Variants in ZHX1 observed in about 807,000 individuals in gnomAD.
ZHX1 encodes the protein zinc fingers and homeoboxes 1, also known as zinc fingers and homeoboxes protein 1.
Under a neutral mutation model 61.8 loss-of-function variants are expected in ZHX1, and 20 were observed. The observed-to-expected ratio is 0.32, with a 90% CI of 0.23 to 0.47. The LOEUF is 0.47. ZHX1 is among the 20% of genes least tolerant of loss of function. The pLI, the probability that ZHX1 is intolerant of heterozygous loss-of-function variation, is 1.00. For synonymous variants in ZHX1, 318 were observed against 352.6 expected, an observed-to-expected ratio of 0.90 and a Z score of 1.10; for missense variants, 800 against 1,034.8, an observed-to-expected ratio of 0.77 and a Z score of 3.11.
chr8:123,262,543 C>G (rs371521952), intron 2 of ZHX1, among the ~76,000 whole-genome samples: 1 of 152,058 alleles, frequency 6.6e-6, no homozygotes, highest in Non-Finnish European at 1.5e-5. Flanking sequence ...AACAGAGTCC[C>G]GTTACGTTGC....
chr8:123,264,304 A>T (rs1033677841), intron 2 of ZHX1, among the ~76,000 whole-genome samples: 11 of 152,188 alleles, frequency 7.2e-5, no homozygotes, highest in African/African-American at 2.7e-4. Flanking sequence ...ACTACATTTT[A>T]AAAAAGATTA....
rs1458264971 is a variant in ZHX1, at chr8:123,267,283, T to C, written c.-236A>G. On this transcript the variant is annotated 5_prime_UTR_variant, in exon 2 of 4. Transcript: ENST00000395571. ...CAATGAAACACATACTTGCCACAGC[T>C]TCCTTAGCATTCTGTTCTTTGAAAT... The C allele has an allele frequency of 3.9e-6, 6 of 1,531,948 alleles. No individual in the cohort carries two copies. The highest frequency in any genetic ancestry group is 5.2e-6 in the Non-Finnish European group (6 of 1,144,088). 94.9% of individuals were successfully genotyped at this position (1,531,948 alleles called of 1,614,324 possible). A position where few individuals can be genotyped will look rare whatever the true frequency, so the allele number is the denominator to read the frequency against.
At chr8:123,252,769 T>C (rs903331238) in intron 3 of ZHX1, 36 of 152,170 alleles carry the variant, frequency 2.4e-4, no homozygotes, top group African/African-American at 8.2e-4. Flanking sequence ...CATTTTAAAC[T>C]CTAGTTAAAA....
At position 123,261,670 on chromosome 8, in the gene ZHX1, A is replaced by C. The variant is rs552016535; in HGVS notation, c.-225-5499T>G. Among the ~76,000 whole-genome samples, 3 of 152,328 alleles carry C rather than the reference A, an allele frequency of 2.0e-5. No homozygotes were observed. In the East Asian group the frequency reaches 5.8e-4, roughly 29 times the overall value. ...GAGAAGGCTTCCCTGGGGGAAAAAG[A>C]AATAGTAGTATCCACATCAGAGGAA... On this transcript the variant is annotated intron_variant, in intron 2 of 3. Transcript: ENST00000395571.
Position 123,254,044 on chromosome 8 carries a change from T to C in ZHX1, c.1903A>G (p.Ser635Gly), listed in dbSNP as rs1825993712. The C allele has an allele frequency of 6.2e-7, 1 of 1,613,962 alleles. No individual in the cohort carries two copies. The highest frequency in any genetic ancestry group is 1.1e-5 in the South Asian group (1 of 91,088). Residue 635 changes from serine to glycine, a missense_variant, in exon 3 of 4, where the codon AGT becomes GGT. Ser to Gly is a moderately conservative substitution (Grantham distance 56). Coordinates refer to ENST00000395571, the MANE Select transcript of ZHX1 (RefSeq NM_007222.5). The surrounding 1 kb of genome is among the most constrained non-coding windows in gnomAD (Gnocchi z 4.1). The part of the protein sequence containing the change: ...LKEEKMEIDE[S>G]NAGSSKEEAG... Reference sequence around the variant, plus strand: ...TCTTCTTTGGAACTACCTGCATTACTTTCATCTATTTCCATTTTCTCTTCC... The same window carrying C: ...TCTTCTTTGGAACTACCTGCATTACCTTCATCTATTTCCATTTTCTCTTCC...
At chr8:123,261,450 T>A (rs1826263078) in intron 2 of ZHX1, among the ~76,000 whole-genome samples, 1 of 148,500 alleles carries the variant, frequency 6.7e-6, no homozygotes, top group Admixed American at 6.6e-5. Context: ...ATTCTTCAAT[T>A]CAACAAATTT....
At chr8:123,253,259 TGA>T in intron 3 of ZHX1, 61 bp downstream of exon 3, 1 of 1,342,580 alleles carries the variant, frequency 7.4e-7, no homozygotes, top group Non-Finnish European at 1.0e-6. Context: ...TACAACAAGG[TGA>T]CTGTTCAAAA....
At position 123,255,425 on chromosome 8, in the gene ZHX1, CGAA is replaced by C. The variant is rs1413467865; in HGVS notation, c.519_521del (p.Ser174del). The C allele has an allele frequency of 3.7e-6, 6 of 1,613,104 alleles. No individual in the cohort carries two copies. The highest frequency in any genetic ancestry group is 5.1e-6 in the Non-Finnish European group (6 of 1,180,010). ...TAGGAGTTTTACTGATAGATATTCC[CGAA>C]GAAGAAACTTCTGTAGATTCTGCTT... On this transcript the variant is annotated inframe_deletion, in exon 3 of 4. Transcript: ENST00000395571.
In ZHX1 at chr8:123,255,382, T is replaced by A. The variant is rs775485491; in HGVS notation, c.565A>T (p.Asn189Tyr). ...GCAATCCGTTTATTTTCCACTTTAT[T>A]TTTCATCATTTTCATGATAGGAGTT... The part of the protein sequence containing the change: ...SKTPIMKMMK[N>Y]KVENKRIAVH... Residue 189 changes from asparagine to tyrosine, a missense_variant, in exon 3 of 4, where the codon AAT becomes TAT. By Grantham distance (143) the Asn-to-Tyr change is moderately radical. Transcript: ENST00000395571. 6.2e-7 allele frequency: 1 copy of A among 1,613,660 alleles called. No homozygotes were observed. Among genetic ancestry groups the A allele is most frequent in the East Asian group, 2.2e-5 (1 of 44,878 alleles).
chr8:123,254,520 A>T lies in ZHX1; in HGVS notation c.1427T>A (p.Leu476Gln). Reference protein sequence around the residue: ...GIRAKKTKEQLAELKVSYLKN... With the variant: ...GIRAKKTKEQQAELKVSYLKN... ...AAGGTAGCTAACTTTTAATTCTGCC[A>T]GTTGCTCTTTTGTCTTTTTTGCCCG... Residue 476 changes from leucine to glutamine, a missense_variant, in exon 3 of 4, where the codon CTG (leucine) becomes CAG (glutamine). By Grantham distance (113) the Leu-to-Gln change is moderately radical (BLOSUM62 -2). Transcript: ENST00000395571. The surrounding 1 kb of genome is among the most constrained non-coding windows in gnomAD (Gnocchi z 4.1). 3 of 1,613,918 alleles carry T rather than the reference A, an allele frequency of 1.9e-6. No homozygotes were observed. Among genetic ancestry groups the T allele is most frequent in the Non-Finnish European group, 2.5e-6 (3 of 1,179,960 alleles).
intron 2 of ZHX1, among the ~76,000 whole-genome samples, chr8:123,259,199 C>G (rs1337310786): frequency 1.3e-5 from 2 of 152,160 alleles, no homozygotes; most frequent in African/African-American, 4.8e-5. Context: ...AAATAAAGAG[C>G]ATCAGTTTAA....
chr8:123,268,923 T>A (rs1826554084), intron 1 of ZHX1, among the ~76,000 whole-genome samples: 1 of 152,240 alleles, frequency 6.6e-6, no homozygotes, highest in Non-Finnish European at 1.5e-5. Flanking sequence ...ACTTCTCACA[T>A]CAAGAAATAA....
In ZHX1 at chr8:123,255,883, G is replaced by A. The variant is rs763387925; in HGVS notation, c.64C>T (p.Leu22Phe). The change falls in exon 3 of 4, where the codon CTT (leucine) becomes TTT (phenylalanine). Residue 22 changes from leucine to phenylalanine, a missense_variant. Transcript: ENST00000395571. ...TCATCCAAATCTGATATCAACTCAAGGTCTGGATCTTGTTCACTGGCAAGG... is the reference window on the plus strand; with the variant it reads ...TCATCCAAATCTGATATCAACTCAAAGTCTGGATCTTGTTCACTGGCAAGG... Reference protein sequence around the residue: ...MVLASEQDPDLELISDLDEGP... With the variant: ...MVLASEQDPDFELISDLDEGP... 6.2e-7 allele frequency: 1 copy of A among 1,614,080 alleles called. No homozygotes were observed. The highest frequency in any genetic ancestry group is 8.5e-7 in the Non-Finnish European group (1 of 1,180,000).
intron 1 of ZHX1, among the ~76,000 whole-genome samples, chr8:123,272,154 G>A (rs1345941722): frequency 6.6e-6 from 1 of 152,170 alleles, no homozygotes; most frequent in Non-Finnish European, 1.5e-5. Flanking sequence ...AAGCTCTTTC[G>A]AAAATACAAG....
rs761184687 is a variant in ZHX1 at position 123,254,586 on chromosome 8, T to C, written c.1361A>G (p.Lys454Arg). The C allele has an allele frequency of 7.4e-6, 12 of 1,614,224 alleles. No homozygotes were observed. The highest frequency in any genetic ancestry group is 5.5e-5 in the South Asian group (5 of 91,090). ...TAAVPTSQSV[K>R]HETALVNPDS... ...AGGGTTTACCAATGCAGTTTCATGTTTGACACTTTGAGAAGTTGGAACTGC... is the reference window on the plus strand; with the variant it reads ...AGGGTTTACCAATGCAGTTTCATGTCTGACACTTTGAGAAGTTGGAACTGC... Residue 454 changes from lysine to arginine, a missense_variant, in exon 3 of 4, where the codon AAA (lysine) becomes AGA (arginine). Coordinates refer to ENST00000395571, the MANE Select transcript of ZHX1 (RefSeq NM_007222.5). The surrounding 1 kb of genome is among the most constrained non-coding windows in gnomAD (Gnocchi z 4.1).
chr8:123,254,035 C>G lies in ZHX1; in HGVS notation c.1912G>C (p.Gly638Arg). The change falls in exon 3 of 4, where the codon GGT becomes CGT. Residue 638 changes from glycine (G) to arginine (R), a missense_variant. Transcript: ENST00000395571. The surrounding 1 kb of genome is among the most constrained non-coding windows in gnomAD (Gnocchi z 4.1). ...TCTCCAGCTTCTTCTTTGGAACTAC[C>G]TGCATTACTTTCATCTATTTCCATT... ...EKMEIDESNA[G>R]SSKEEAGETS... 1 of 1,614,064 alleles carries G rather than the reference C, an allele frequency of 6.2e-7. No individual in the cohort carries two copies. The highest frequency in any genetic ancestry group is 8.5e-7 in the Non-Finnish European group (1 of 1,180,030).
intron 2 of ZHX1, among the ~76,000 whole-genome samples, chr8:123,259,860 G>C (rs1328473504): frequency 6.6e-6 from 1 of 152,158 alleles, no homozygotes; most frequent in East Asian, 1.9e-4. Flanking sequence ...GGTCAAAACA[G>C]ATAAAAGAGA....
At position 123,254,787 on chromosome 8, in the gene ZHX1, G is replaced by A; in HGVS notation, c.1160C>T (p.Thr387Ile). Residue 387 changes from threonine to isoleucine, a missense_variant, in exon 3 of 4, where the codon ACA (threonine) becomes ATA (isoleucine). Transcript: ENST00000395571. The surrounding 1 kb of genome is among the most constrained non-coding windows in gnomAD (Gnocchi z 4.1). ...ACCAGGCTGACCAACTATTTGGCAT[G>A]TCTGTAAAATAGATGGTAAACCATT... ...GSNGLPSILQ[T>I]CQIVGQPGLV... The A allele has an allele frequency of 6.2e-7, 1 of 1,614,222 alleles. No individual in the cohort carries two copies.
intron 2 of ZHX1, among the ~76,000 whole-genome samples, chr8:123,263,658 C>T (rs1352741712): frequency 6.6e-6 from 1 of 151,956 alleles, no homozygotes; most frequent in African/African-American, 2.4e-5. Flanking sequence ...GTGGTAAAAC[C>T]CTGCCTCTAC....
Sources: allele counts gnomAD v4.1 joint callset (sites outside exome capture counted in the v4.1 genomes callset), GRCh38; gene constraint gnomAD v4.1.1; non-coding constraint Gnocchi (gnomAD v3.1); transcripts MANE v1.5; gene names NCBI Gene and HGNC (gene_info 2026-07-23, HGNC 2026-07-21).